AKAP6: variants seen among roughly 807,000 people sequenced by gnomAD.
AKAP6 encodes the protein A-kinase anchor protein 6.
Under a neutral mutation model 188.5 loss-of-function variants are expected in AKAP6, and 58 were observed. That is an observed-to-expected ratio of 0.31 (90% confidence interval 0.25 to 0.38). The LOEUF (loss-of-function observed/expected upper bound fraction) is 0.38, where lower values mean the gene tolerates loss of function less well. Ranked by LOEUF, AKAP6 falls within the 10% of genes least tolerant of loss-of-function variation. The probability of loss-of-function intolerance (pLI) is 1.00; values close to 1 mark genes in which losing one functional copy is unlikely to be tolerated. For synonymous variants in AKAP6, 989 were observed against 998.6 expected (o/e 0.99, Z 0.18); for missense variants, 2,710 against 2,740.0 (o/e 0.99, Z 0.24).
intron 2 of AKAP6, among the ~76,000 whole-genome samples, chr14:32,477,505 A>G (rs1300395999): frequency 6.6e-6 from 1 of 152,116 alleles, no homozygotes; most frequent in Non-Finnish European, 1.5e-5. Flanking sequence ...CAGTTCTCCC[A>G]AGCAGTGGCT....
At chr14:32,671,394 A>G (rs867911005) in intron 7 of AKAP6, among the ~76,000 whole-genome samples, 1 of 152,186 alleles carries the variant, frequency 6.6e-6, no homozygotes, top group East Asian at 1.9e-4. Context: ...AGTATAAACA[A>G]TTCAAGTAAA....
intron 7 of AKAP6, among the ~76,000 whole-genome samples, chr14:32,660,665 G>A (rs1425595835): frequency 6.6e-6 from 1 of 151,980 alleles, no homozygotes; most frequent in Non-Finnish European, 1.5e-5. Context: ...GGCCTATCTG[G>A]ACCTGGAATC....
At chr14:32,549,248 A>G (rs994095523) in intron 4 of AKAP6, among the ~76,000 whole-genome samples, 5 of 152,292 alleles carry the variant, frequency 3.3e-5, no homozygotes, top group Admixed American at 1.3e-4. Flanking sequence ...GAAGTGATCA[A>G]TAAGTACCGA....
At chr14:32,490,794 C>T (rs1463978974) in intron 2 of AKAP6, among the ~76,000 whole-genome samples, 3 of 152,158 alleles carry the variant, frequency 2.0e-5, no homozygotes, top group Non-Finnish European at 4.4e-5. Context: ...ACTATATCTT[C>T]AGAACTGATT....
intron 1 of AKAP6, among the ~76,000 whole-genome samples, chr14:32,426,919 G>A (rs556835458): frequency 3.1e-4 from 47 of 152,300 alleles, no homozygotes; most frequent in South Asian, 1.0e-3. Context: ...ACAGCAGACT[G>A]TGTTCTGGGC....
At chr14:32,631,823 C>T (rs1887285387) in intron 7 of AKAP6, among the ~76,000 whole-genome samples, 2 of 152,032 alleles carry the variant, frequency 1.3e-5, no homozygotes, top group Admixed American at 1.3e-4. Context: ...ATAATACACT[C>T]TGGATGTGGT....
At chr14:32,370,783 A>G (rs1445675262) in intron 1 of AKAP6, among the ~76,000 whole-genome samples, 4 of 152,164 alleles carry the variant, frequency 2.6e-5, no homozygotes, top group Non-Finnish European at 5.9e-5. Flanking sequence ...TTGGGGTTAG[A>G]ATTTTTTAGT....
Position 32,823,716 on chromosome 14 carries a change from A to T in AKAP6, c.5903A>T (p.His1968Leu), listed in dbSNP as rs766931483. The change falls in exon 13 of 14, where the codon CAC (histidine) becomes CTC (leucine). Residue 1968 changes from histidine (H) to leucine (L), a missense_variant. Transcript: ENST00000280979. ...RHLPKKCPNH[H>L]HFENQSTAST... ...CTTCCAAAGAAATGTCCAAATCACC[A>T]CCATTTTGAAAATCAAAGCACTGCC... The T allele has an allele frequency of 2.5e-6, 4 of 1,613,744 alleles. No homozygotes were observed. Among genetic ancestry groups the T allele is most frequent in the Non-Finnish European group, 1.7e-6 (2 of 1,179,914 alleles).
At chr14:32,809,909 G>C (rs182609333) in intron 12 of AKAP6, among the ~76,000 whole-genome samples, 2 of 152,090 alleles carry the variant, frequency 1.3e-5, no homozygotes, top group South Asian at 2.1e-4. Flanking sequence ...GAGGTCACCT[G>C]GTATTTTATT....
intron 2 of AKAP6, among the ~76,000 whole-genome samples, chr14:32,501,558 C>A (rs537451249): frequency 6.6e-6 from 1 of 152,180 alleles, no homozygotes; most frequent in African/African-American, 2.4e-5. Flanking sequence ...TGGAAAATGT[C>A]ATTTAGCTGT....
chr14:32,716,710 C>G (rs1250232459), intron 9 of AKAP6, among the ~76,000 whole-genome samples: 1 of 109,384 alleles, frequency 9.1e-6, no homozygotes, highest in African/African-American at 3.4e-5. Flanking sequence ...TCTGTATTTA[C>G]CTTTCTAATG....
At chr14:32,764,717 C>CAT (rs1397858406) in intron 11 of AKAP6, among the ~76,000 whole-genome samples, 10 of 151,798 alleles carry the variant, frequency 6.6e-5, no homozygotes, top group Non-Finnish European at 7.4e-5. Context: ...CACACACACA[C>CAT]GCACACACAC....
intron 1 of AKAP6, among the ~76,000 whole-genome samples, chr14:32,390,134 A>G (rs918014656): frequency 3.3e-5 from 5 of 151,878 alleles, no homozygotes; most frequent in African/African-American, 1.2e-4. Context: ...TTGTTCATTT[A>G]TGTTGCTGAG....
chr14:32,331,895 A>G (rs1886545337), intron 1 of AKAP6, among the ~76,000 whole-genome samples: 1 of 152,124 alleles, frequency 6.6e-6, no homozygotes, highest in Non-Finnish European at 1.5e-5. Flanking sequence ...GCTTTCACAA[A>G]TACATTACAA....
At chr14:32,361,480 G>A (rs1048032622) in intron 1 of AKAP6, among the ~76,000 whole-genome samples, 5 of 152,156 alleles carry the variant, frequency 3.3e-5, no homozygotes, top group African/African-American at 1.2e-4. Context: ...AGGGAAGTTG[G>A]TAGCTGTTAC....
intron 12 of AKAP6, among the ~76,000 whole-genome samples, chr14:32,779,941 G>C (rs992319819): frequency 1.3e-5 from 2 of 151,716 alleles, no homozygotes; most frequent in Non-Finnish European, 1.5e-5. Flanking sequence ...TAGCCTCTGT[G>C]GGAAGCAGTA....
At chr14:32,653,352 G>C (rs2139540213) in intron 7 of AKAP6, among the ~76,000 whole-genome samples, 1 of 152,234 alleles carries the variant, frequency 6.6e-6, no homozygotes, top group Admixed American at 6.5e-5. Flanking sequence ...AGGGCCTGGT[G>C]GGAGGTGTTT....
chr14:32,413,563 C>T (rs1022745776), intron 1 of AKAP6, among the ~76,000 whole-genome samples: 6 of 152,140 alleles, frequency 3.9e-5, no homozygotes, highest in Admixed American at 6.6e-5. Flanking sequence ...TTCTCCCTTG[C>T]TTCCTGGGCC....
intron 1 of AKAP6, among the ~76,000 whole-genome samples, chr14:32,392,787 A>C (rs1888754229): frequency 6.6e-6 from 1 of 152,142 alleles, no homozygotes; most frequent in Admixed American, 6.6e-5. Context: ...CCACAAAATA[A>C]GTTATGATAG....
Sources: gnomAD v4.1 joint callset for allele counts (sites outside exome capture counted in the v4.1 genomes callset) on GRCh38, gnomAD v4.1.1 for gene constraint, MANE v1.5 for transcripts, NCBI Gene and HGNC (gene_info 2026-07-23, HGNC 2026-07-21) for gene names.